Variants in ZMYND8 observed in about 807,000 individuals in gnomAD.
The protein encoded by ZMYND8 is zinc finger MYND-type containing 8.
In ZMYND8, 37 loss-of-function variants were observed where a neutral mutation model predicts 140.8. The observed-to-expected ratio is 0.26, with a 90% CI of 0.20 to 0.35. The LOEUF is 0.35. ZMYND8 is among the 10% of genes least tolerant of loss of function. The probability of loss-of-function intolerance (pLI) is 1.00; values close to 1 mark genes in which losing one functional copy is unlikely to be tolerated. For missense variants in ZMYND8, 1,068 were observed against 1,570.0 expected (o/e 0.68, Z 5.40); for synonymous variants, 592 against 597.1 (o/e 0.99, Z 0.12).
intron 1 of ZMYND8, chr20:47,353,417 G>C (rs946223412): frequency 6.6e-6 from 1 of 152,160 alleles, no homozygotes; most frequent in African/African-American, 2.4e-5. Context: ...TGGACTTGGC[G>C]CCAACGGGCT....
At chr20:47,303,006 C>G (rs6012151) in intron 3 of ZMYND8, among the ~76,000 whole-genome samples, 3 of 152,272 alleles carry the variant, frequency 2.0e-5, no homozygotes, top group African/African-American at 7.2e-5. Flanking sequence ...CAGTAATACT[C>G]TAACACCCTC....
intron 1 of ZMYND8, chr20:47,355,760 G>A (rs1406344178): frequency 6.7e-6 from 1 of 148,378 alleles, no homozygotes; most frequent in Non-Finnish European, 1.5e-5. Context: ...TGCAAGAGTA[G>A]AAAGCTAAGG....
In ZMYND8 at chr20:47,229,824, A is replaced by G. The variant is rs776010392; in HGVS notation, c.2857-18T>C. On this transcript the variant is annotated intron_variant, in intron 16 of 22. Coordinates refer to ENST00000471951, the MANE Select transcript of ZMYND8 (RefSeq NM_001281775.3). The stretch of plus-strand genomic sequence containing the variant: ...TCCATCATCTGAAAGATAAAAACAG[A>G]AACAATTCAGCTGATCACTTCTTGG... The G allele has an allele frequency of 2.5e-6, 4 of 1,601,046 alleles. No individual in the cohort carries two copies. Among genetic ancestry groups the G allele is most frequent in the Non-Finnish European group, 3.4e-6 (4 of 1,169,444 alleles).
intron 21 of ZMYND8, among the ~76,000 whole-genome samples, chr20:47,216,527 C>A: frequency 7.6e-6 from 1 of 132,372 alleles, no homozygotes; most frequent in African/African-American, 3.3e-5. Flanking sequence ...AAGGGCCGGG[C>A]TGGGCGTAGT....
chr20:47,309,976 T>G (rs2078799333), intron 3 of ZMYND8, 80 bp downstream of exon 3: 3 of 1,581,048 alleles, frequency 1.9e-6, no homozygotes, highest in Non-Finnish European at 2.6e-6. Context: ...AAGCCGGCGC[T>G]TACAAGGATC....
chr20:47,242,643 A>T (rs2040108584), intron 14 of ZMYND8, among the ~76,000 whole-genome samples: 1 of 152,222 alleles, frequency 6.6e-6, no homozygotes, highest in Non-Finnish European at 1.5e-5. Context: ...TGATTTGCAA[A>T]AGCAAACAGC....
At chr20:47,212,255 A>T (rs1451788609) in intron 22 of ZMYND8, among the ~76,000 whole-genome samples, 2 of 152,178 alleles carry the variant, frequency 1.3e-5, no homozygotes, top group Non-Finnish European at 2.9e-5. Flanking sequence ...GGCCAAGCTG[A>T]GTTCAGTATC....
chr20:47,246,128 G>A lies in ZMYND8; in HGVS notation c.2164C>T (p.His722Tyr). 6.2e-7 allele frequency: 1 copy of A among 1,614,108 alleles called. No homozygotes were observed. The highest frequency in any genetic ancestry group is 1.1e-5 in the South Asian group (1 of 91,082). Residue 722 changes from histidine to tyrosine, a missense_variant, in exon 14 of 23, where the codon CAT becomes TAT. This residue lies in a region of ZMYND8 where 383 missense variants were observed against 431.2 expected (regional missense o/e 0.89). Transcript: ENST00000471951. Reference protein sequence around the residue: ...GKDETDSPTVHLGLDSDSESE... With the variant: ...GKDETDSPTVYLGLDSDSESE... The stretch of plus-strand genomic sequence containing the variant: ...TCTGAATCAGAGTCCAGGCCCAAAT[G>A]GACTGTTGGGGAATCCGTCTCATCT...
At chr20:47,321,625 G>A (rs554917135) in intron 2 of ZMYND8, among the ~76,000 whole-genome samples, 2 of 152,240 alleles carry the variant, frequency 1.3e-5, no homozygotes, top group East Asian at 3.9e-4. Context: ...TGTTTCACCT[G>A]GTGGCCCTGA....
Position 47,283,598 on chromosome 20 carries a change from T to C in ZMYND8, c.855A>G (p.Lys285=). The change falls in exon 9 of 23, where the codon AAA becomes AAG. Residue 285 remains lysine, a synonymous_variant. Coordinates refer to ENST00000471951, the MANE Select transcript of ZMYND8 (RefSeq NM_001281775.3). ...AAGGCTCACAAAACCAGTTATCTCG[T>C]TTTTGGCAAGCAGCTAGATAACATT... is the stretch of plus-strand genomic sequence containing the variant. ...CPECYLAACQ[K]RDNWFCEPCS... The C allele has an allele frequency of 6.2e-7, 1 of 1,613,946 alleles. No individual in the cohort carries two copies. Among genetic ancestry groups the C allele is most frequent in the Non-Finnish European group, 8.5e-7 (1 of 1,179,874 alleles).
chr20:47,287,328 C>T, intron 7 of ZMYND8, 44 bp from the exon 8 acceptor site: 2 of 1,514,734 alleles, frequency 1.3e-6, no homozygotes, highest in Admixed American at 1.7e-5. Flanking sequence ...GGAAATACCG[C>T]AACACCGGGC....
intron 11 of ZMYND8, among the ~76,000 whole-genome samples, chr20:47,263,690 C>T (rs2075309029): frequency 6.6e-6 from 1 of 152,176 alleles, no homozygotes; most frequent in Non-Finnish European, 1.5e-5. Flanking sequence ...TAACCCTGGG[C>T]CAGTTACTGG....
intron 2 of ZMYND8, among the ~76,000 whole-genome samples, chr20:47,323,624 C>T (rs1283992051): frequency 6.6e-6 from 1 of 152,134 alleles, no homozygotes; most frequent in East Asian, 1.9e-4. Flanking sequence ...TAAACCCCCT[C>T]AGGCTGTCAG....
At chr20:47,224,757 G>A (rs1378387012) in intron 18 of ZMYND8, among the ~76,000 whole-genome samples, 2 of 152,200 alleles carry the variant, frequency 1.3e-5, no homozygotes, top group East Asian at 1.9e-4. Flanking sequence ...GGTGCTGCCT[G>A]TTGAGAGTGG....
At chr20:47,355,839 C>A (rs948183926) in intron 1 of ZMYND8, among the ~76,000 whole-genome samples, 3 of 149,804 alleles carry the variant, frequency 2.0e-5, no homozygotes, top group South Asian at 2.1e-4. Flanking sequence ...TCTCTCCCCC[C>A]ACCCCCCAGT....
intron 2 of ZMYND8, among the ~76,000 whole-genome samples, chr20:47,340,881 CTA>C (rs2148532441): frequency 6.6e-6 from 1 of 151,404 alleles, no homozygotes; most frequent in South Asian, 2.1e-4. Context: ...AGGACAAAGG[CTA>C]TAAACAAAAT....
At chr20:47,222,328 G>A (rs2037094294) in intron 19 of ZMYND8, among the ~76,000 whole-genome samples, 1 of 151,948 alleles carries the variant, frequency 6.6e-6, no homozygotes, top group East Asian at 1.9e-4. Context: ...GAGGTCAGGA[G>A]ATCAAGACCA....
intron 11 of ZMYND8, among the ~76,000 whole-genome samples, chr20:47,268,808 A>G (rs1388028117): frequency 6.6e-6 from 1 of 151,912 alleles, no homozygotes; most frequent in African/African-American, 2.4e-5. Flanking sequence ...ACAACCAGAT[A>G]AAACCTTTTT....
chr20:47,258,245 A>G (rs1440103234), intron 12 of ZMYND8, among the ~76,000 whole-genome samples: 1 of 152,224 alleles, frequency 6.6e-6, no homozygotes, highest in Non-Finnish European at 1.5e-5. Flanking sequence ...CTCAGCTAAG[A>G]GCTCAAGCTT....
Sources: allele counts gnomAD v4.1 joint callset (sites outside exome capture counted in the v4.1 genomes callset), GRCh38; gene constraint gnomAD v4.1.1; regional missense constraint gnomAD v4.1.1; transcripts MANE v1.5; gene names NCBI Gene and HGNC (gene_info 2026-07-23, HGNC 2026-07-21).